AFF2: variants seen among roughly 807,000 people sequenced by gnomAD.
AFF2 encodes AF4/FMR2 family member 2.
AFF2 carries 14 observed loss-of-function variants against 76.9 expected under a neutral mutation model. That is an observed-to-expected ratio of 0.18 (90% CI 0.12 to 0.28). The LOEUF (loss-of-function observed/expected upper bound fraction) is 0.28, where lower values mean the gene tolerates loss of function less well. Ranked by LOEUF, AFF2 falls within the 10% of genes least tolerant of loss-of-function variation. The pLI is 1.00. For synonymous variants in AFF2, 398 were observed against 366.7 expected, an observed-to-expected ratio of 1.09 and a Z score of -0.98; for missense variants, 868 against 1,001.1, an observed-to-expected ratio of 0.87 and a Z score of 1.79.
intron 1 of AFF2, among the ~76,000 whole-genome samples, chrX:148,588,824 A>G (rs1557246220): frequency 9.0e-6 from 1 of 111,597 alleles, no homozygotes; most frequent in Non-Finnish European, 1.9e-5. Flanking sequence ...TGGTGTTTCT[A>G]TTGTGAGTCG....
chrX:148,761,345 G>A (rs1314005120), intron 3 of AFF2, among the ~76,000 whole-genome samples: 1 of 110,789 alleles, frequency 9.0e-6, no homozygotes, highest in Non-Finnish European at 1.9e-5. Context: ...TAGTTGGGGG[G>A]AAAAGTCACT....
At chrX:148,964,147 A>G (rs1280598798) in intron 13 of AFF2, among the ~76,000 whole-genome samples, 1 of 112,404 alleles carries the variant, frequency 8.9e-6, no homozygotes, top group African/African-American at 3.2e-5. Context: ...CACTGAGGGC[A>G]CTGGGCTGTG....
At chrX:148,983,551 A>G (rs975331883) in intron 19 of AFF2, among the ~76,000 whole-genome samples, 12 of 112,120 alleles carry the variant, frequency 1.1e-4, no homozygotes, top group African/African-American at 3.6e-4. Flanking sequence ...ATTGTTACCT[A>G]TTTAAGTTAG....
intron 3 of AFF2, among the ~76,000 whole-genome samples, chrX:148,682,896 A>G (rs2054565160): frequency 1.8e-5 from 2 of 111,670 alleles, no homozygotes; most frequent in South Asian, 7.6e-4. Flanking sequence ...TGTCTTTGGT[A>G]GAGTATATCA....
At chrX:148,565,456 A>G (rs911703788) in intron 1 of AFF2, among the ~76,000 whole-genome samples, 7 of 111,732 alleles carry the variant, frequency 6.3e-5, no homozygotes, top group Non-Finnish European at 1.3e-4. Context: ...GTCATTAGCC[A>G]TAAGAGTTTT....
chrX:148,897,250 T>TGAAAA (rs1557280417), intron 8 of AFF2, among the ~76,000 whole-genome samples: 1 of 37,252 alleles, frequency 2.7e-5, no homozygotes, highest in Non-Finnish European at 4.6e-5. Flanking sequence ...TATATATATA[T>TGAAAA]ATATATATAT....
At chrX:148,700,351 G>A (rs1015313635) in intron 3 of AFF2, among the ~76,000 whole-genome samples, 6 of 109,841 alleles carry the variant, frequency 5.5e-5, no homozygotes, top group African/African-American at 1.3e-4. Context: ...CCAGGCACCC[G>A]AAGTGGTGGA....
chrX:148,722,235 A>G (rs1557263889), intron 3 of AFF2, among the ~76,000 whole-genome samples: 1 of 111,245 alleles, frequency 9.0e-6, no homozygotes, highest in Non-Finnish European at 1.9e-5. Flanking sequence ...AACAACAACA[A>G]CAACAAAAAC....
intron 1 of AFF2, among the ~76,000 whole-genome samples, chrX:148,554,884 G>A (rs1480340137): frequency 8.9e-6 from 1 of 112,418 alleles, no homozygotes; most frequent in Non-Finnish European, 1.9e-5. Flanking sequence ...CAAGACGCTG[G>A]CAGAGTCAGT....
At chrX:148,763,477 T>A (rs1446662679) in intron 3 of AFF2, among the ~76,000 whole-genome samples, 1 of 111,096 alleles carries the variant, frequency 9.0e-6, no homozygotes, top group Admixed American at 9.7e-5. Context: ...CTGATTTTTT[T>A]TTTTTTAGAG....
At chrX:148,542,336 A>G (rs2052868103) in intron 1 of AFF2, among the ~76,000 whole-genome samples, 1 of 108,469 alleles carries the variant, frequency 9.2e-6, no homozygotes, top group Admixed American at 1.0e-4. Flanking sequence ...AGCAGAAGTT[A>G]GGACAGTTTT....
At chrX:148,539,072 T>G (rs993421) in intron 1 of AFF2, among the ~76,000 whole-genome samples, 1 of 110,132 alleles carries the variant, frequency 9.1e-6, no homozygotes, top group African/African-American at 3.3e-5. Flanking sequence ...TTAAAAAAAA[T>G]TTTTTTTCAT....
At chrX:148,727,450 A>G (rs986567400) in intron 3 of AFF2, among the ~76,000 whole-genome samples, 2 of 111,542 alleles carry the variant, frequency 1.8e-5, no homozygotes, top group African/African-American at 6.5e-5. Context: ...ACTCTCTTAA[A>G]TGGGAAATTG....
chrX:148,895,566 AGTGAGTGT>A (rs1285322516), intron 8 of AFF2, among the ~76,000 whole-genome samples: 4 of 43,859 alleles, frequency 9.1e-5, no homozygotes, highest in Admixed American at 3.3e-4. Flanking sequence ...TCTGTGAGTG[AGTGAGTGT>A]GTGTGTGTGT....
intron 1 of AFF2, among the ~76,000 whole-genome samples, chrX:148,502,054 C>T (rs782367900): frequency 1.8e-5 from 2 of 111,958 alleles, no homozygotes; most frequent in Non-Finnish European, 3.8e-5. Flanking sequence ...TACTGATATA[C>T]ATATCTATTA....
intron 1 of AFF2, among the ~76,000 whole-genome samples, chrX:148,575,968 A>G (rs1272209880): frequency 1.6e-4 from 18 of 110,530 alleles, no homozygotes; most frequent in African/African-American, 4.3e-4. Flanking sequence ...TCTTTGAGTA[A>G]TTGGGCTGAT....
At chrX:148,878,808 A>G (rs2071064423) in intron 7 of AFF2, among the ~76,000 whole-genome samples, 1 of 112,585 alleles carries the variant, frequency 8.9e-6, no homozygotes, top group Non-Finnish European at 1.9e-5. Flanking sequence ...AAAAAATGAT[A>G]CAAGACTGTT....
chrX:148,707,538 T>C (rs1365869026), intron 3 of AFF2, among the ~76,000 whole-genome samples: 1 of 109,828 alleles, frequency 9.1e-6, no homozygotes, highest in Non-Finnish European at 1.9e-5. Context: ...AGGAAGGTGG[T>C]TTACATTGAG....
chrX:148,618,940 G>T (rs1246926336), intron 1 of AFF2, among the ~76,000 whole-genome samples: 1 of 111,214 alleles, frequency 9.0e-6, no homozygotes, highest in Non-Finnish European at 1.9e-5. Context: ...CAGAAGGAAA[G>T]AACTCCCTAT....
Sources: allele counts gnomAD v4.1 joint callset (sites outside exome capture counted in the v4.1 genomes callset), GRCh38; gene constraint gnomAD v4.1.1; transcripts MANE v1.5; gene names NCBI Gene and HGNC (gene_info 2026-07-23, HGNC 2026-07-21).